AGBL4: variants seen among roughly 807,000 people sequenced by gnomAD.
The protein encoded by AGBL4 is AGBL carboxypeptidase 4, also known as cytosolic carboxypeptidase 6.
A neutral mutation model predicts 66.4 loss-of-function variants in AGBL4; 58 were observed. The observed-to-expected ratio is 0.87, with a 90% CI of 0.71 to 1.09. AGBL4 has a LOEUF of 1.09. AGBL4 is among the 50% of genes least tolerant of loss of function. The pLI, the probability that AGBL4 is intolerant of heterozygous loss-of-function variation, is 0.00. For missense variants in AGBL4, 579 were observed against 631.0 expected, an observed-to-expected ratio of 0.92 and a Z score of 0.88; for synonymous variants, 234 against 222.9, an observed-to-expected ratio of 1.05 and a Z score of -0.44.
chr1:49,035,375 T>G (rs946469460), intron 5 of AGBL4, among the ~76,000 whole-genome samples: 1 of 152,036 alleles, frequency 6.6e-6, no homozygotes, highest in Admixed American at 6.6e-5. Context: ...TATTAAAAAG[T>G]TTTAGAGCAG....
At chr1:49,778,661 G>A (rs983203957) in intron 2 of AGBL4, among the ~76,000 whole-genome samples, 2 of 152,158 alleles carry the variant, frequency 1.3e-5, no homozygotes, top group Admixed American at 1.3e-4. Flanking sequence ...CTCAAAGATT[G>A]ACAATGCCTT....
chr1:48,979,063 C>T (rs1345198178), intron 5 of AGBL4, among the ~76,000 whole-genome samples: 2 of 152,096 alleles, frequency 1.3e-5, no homozygotes, highest in African/African-American at 2.4e-5. Context: ...TTGGCAAAAG[C>T]TGGAAAACAT....
chr1:49,762,476 G>T (rs1571510760), intron 2 of AGBL4, among the ~76,000 whole-genome samples: 1 of 150,472 alleles, frequency 6.6e-6, no homozygotes. Context: ...GCAGTGCCGC[G>T]ATCTTGGCTC....
chr1:49,350,750 A>G (rs1399086601), intron 3 of AGBL4, among the ~76,000 whole-genome samples: 4 of 151,816 alleles, frequency 2.6e-5, no homozygotes, highest in Non-Finnish European at 5.9e-5. Flanking sequence ...TTTATCATTC[A>G]TCCCCCTCCT....
intron 4 of AGBL4, among the ~76,000 whole-genome samples, chr1:49,181,437 T>C (rs1301285697): frequency 6.6e-6 from 1 of 152,204 alleles, no homozygotes; most frequent in Non-Finnish European, 1.5e-5. Context: ...GAATGGTGCA[T>C]TCAGTCAGAA....
At chr1:49,093,020 C>T (rs534204372) in intron 4 of AGBL4, among the ~76,000 whole-genome samples, 69 of 152,210 alleles carry the variant, frequency 4.5e-4, no homozygotes, top group African/African-American at 1.2e-3. Flanking sequence ...AGGGAAAAGA[C>T]ATAAAATCCT....
intron 3 of AGBL4, among the ~76,000 whole-genome samples, chr1:49,518,606 T>C (rs1650018874): frequency 6.6e-6 from 1 of 152,096 alleles, no homozygotes; most frequent in Admixed American, 6.6e-5. Context: ...CTATCCTTGG[T>C]TTCTTCATTT....
At chr1:49,035,406 A>G (rs553822890) in intron 5 of AGBL4, among the ~76,000 whole-genome samples, 2 of 152,298 alleles carry the variant, frequency 1.3e-5, no homozygotes, top group African/African-American at 4.8e-5. Context: ...AAGAAAAGAA[A>G]GTACACTTGG....
chr1:49,593,076 G>C (rs929363028), intron 3 of AGBL4, among the ~76,000 whole-genome samples: 1 of 152,024 alleles, frequency 6.6e-6, no homozygotes, highest in Non-Finnish European at 1.5e-5. Flanking sequence ...AATCACTTTT[G>C]TACAAGAATA....
intron 3 of AGBL4, among the ~76,000 whole-genome samples, chr1:49,287,497 G>A (rs1464456989): frequency 6.6e-6 from 1 of 150,682 alleles, no homozygotes; most frequent in Non-Finnish European, 1.5e-5. Context: ...AATCTACAAA[G>A]AACTCAAACA....
chr1:48,542,014 C>T (rs1175154846), intron 11 of AGBL4, among the ~76,000 whole-genome samples: 1 of 152,042 alleles, frequency 6.6e-6, no homozygotes, highest in Non-Finnish European at 1.5e-5. Context: ...CTGACTGGCC[C>T]CAGTGTGTGT....
chr1:48,878,061 C>A (rs573241138), intron 5 of AGBL4, among the ~76,000 whole-genome samples: 1 of 152,082 alleles, frequency 6.6e-6, no homozygotes, highest in Non-Finnish European at 1.5e-5. Flanking sequence ...GGATACAATA[C>A]AAAATTTTCT....
intron 6 of AGBL4, among the ~76,000 whole-genome samples, chr1:48,805,186 G>T (rs1260227044): frequency 6.6e-6 from 1 of 152,150 alleles, no homozygotes; most frequent in Non-Finnish European, 1.5e-5. Context: ...ATACAATGAC[G>T]ATACTATGTG....
At chr1:48,942,649 C>A (rs1340552175) in intron 5 of AGBL4, among the ~76,000 whole-genome samples, 2 of 152,088 alleles carry the variant, frequency 1.3e-5, no homozygotes, top group African/African-American at 4.8e-5. Context: ...TAGAATAAAG[C>A]CCTGGACATA....
chr1:48,837,348 A>G (rs1646700627), intron 6 of AGBL4, among the ~76,000 whole-genome samples: 1 of 152,012 alleles, frequency 6.6e-6, no homozygotes, highest in African/African-American at 2.4e-5. Flanking sequence ...TGAAGGATGC[A>G]AAGTATTGAT....
At chr1:49,323,132 T>C (rs1255989467) in intron 3 of AGBL4, among the ~76,000 whole-genome samples, 3 of 152,230 alleles carry the variant, frequency 2.0e-5, no homozygotes, top group Admixed American at 6.5e-5. Flanking sequence ...ACACACTCAT[T>C]GTAAATGGTC....
At chr1:48,988,656 G>A (rs911811333) in intron 5 of AGBL4, among the ~76,000 whole-genome samples, 3 of 152,110 alleles carry the variant, frequency 2.0e-5, no homozygotes, top group Non-Finnish European at 2.9e-5. Flanking sequence ...AAATTATGCC[G>A]CACTCTCTTT....
intron 5 of AGBL4, among the ~76,000 whole-genome samples, chr1:48,989,627 GTTTGTCATTCGGTGCCTGGCTTAT>G (rs1660454850): frequency 6.6e-6 from 1 of 152,142 alleles, no homozygotes; most frequent in African/African-American, 2.4e-5. Flanking sequence ...AACAAACAAA[GTTTGTCATTCGGTGCCTGGCTTAT>G]TTCACCTAAC....
chr1:48,531,208 TC>T (rs923733703), downstream of AGBL4, among the ~76,000 whole-genome samples: 139 of 77,672 alleles, frequency 1.8e-3, no homozygotes, highest in Non-Finnish European at 2.3e-3. Flanking sequence ...CTTTTTTTTT[TC>T]TCTCTCTCTC....
Sources: allele counts gnomAD v4.1 joint callset (sites outside exome capture counted in the v4.1 genomes callset), GRCh38; gene constraint gnomAD v4.1.1; transcripts MANE v1.5; gene names NCBI Gene and HGNC (gene_info 2026-07-23, HGNC 2026-07-21).